Variants in CSMD1 observed in about 807,000 individuals in gnomAD.
CSMD1 encodes CUB and sushi domain-containing protein 1.
CSMD1 carries 213 observed loss-of-function variants against 417.5 expected under a neutral mutation model. The ratio of observed to expected loss-of-function variants is 0.51; its 90% CI spans 0.46 to 0.57. The LOEUF is 0.57. CSMD1 is among the 20% of genes least tolerant of loss of function. The probability of loss-of-function intolerance (pLI) is 0.00; values close to 1 mark genes in which losing one functional copy is unlikely to be tolerated. For missense variants in CSMD1, 6,923 were observed against 4,529.7 expected, an observed-to-expected ratio of 1.53 and a Z score of -15.17; for synonymous variants, 2,862 against 1,736.8, an observed-to-expected ratio of 1.65 and a Z score of -16.11.
intron 4 of CSMD1, among the ~76,000 whole-genome samples, chr8:4,019,763 G>A (rs766554590): frequency 6.6e-6 from 1 of 152,040 alleles, no homozygotes; most frequent in Non-Finnish European, 1.5e-5. Flanking sequence ...CAATATTTCT[G>A]TCCAAGTGGT....
Position 4,037,687 on chromosome 8 carries a change from G to C in CSMD1, c.416-5588C>G, listed in dbSNP as rs936132556. On this transcript the variant is annotated intron_variant, in intron 3 of 69. Coordinates refer to ENST00000635120, the MANE Select transcript of CSMD1 (RefSeq NM_033225.6). ...ATCAGTATTGATTTTAAAGGGGAAG[G>C]TGTGAAGATTGAATGAGATAACAGG... Among the ~76,000 whole-genome samples, 42 of 152,274 alleles carry C rather than the reference G, an allele frequency of 2.8e-4. 1 individual carries two copies. The highest frequency in any genetic ancestry group is 9.9e-4 in the African/African-American group (41 of 41,562).
chr8:3,415,501 G>T (rs778561702), intron 12 of CSMD1, among the ~76,000 whole-genome samples: 4 of 152,148 alleles, frequency 2.6e-5, no homozygotes, highest in Non-Finnish European at 5.9e-5. Flanking sequence ...GGGATTATAC[G>T]CATGCATCAT....
At chr8:4,249,840 T>C (rs1802946781) in intron 3 of CSMD1, among the ~76,000 whole-genome samples, 2 of 152,164 alleles carry the variant, frequency 1.3e-5, no homozygotes, top group Non-Finnish European at 2.9e-5. Context: ...GTGGTTTGAA[T>C]GTGTCCCCTG....
At chr8:3,786,289 G>A (rs754804352) in intron 5 of CSMD1, among the ~76,000 whole-genome samples, 3 of 152,118 alleles carry the variant, frequency 2.0e-5, no homozygotes, top group Non-Finnish European at 2.9e-5. Flanking sequence ...GAGGTTAGAA[G>A]AGACCTGAGG....
intron 2 of CSMD1, among the ~76,000 whole-genome samples, chr8:4,473,023 A>C (rs1800621676): frequency 6.6e-6 from 1 of 152,050 alleles, no homozygotes; most frequent in Admixed American, 6.6e-5. Context: ...TAAATTCCTC[A>C]AACAAGTCAA....
intron 3 of CSMD1, among the ~76,000 whole-genome samples, chr8:4,093,889 G>C (rs1056023676): frequency 5.3e-5 from 8 of 152,040 alleles, no homozygotes; most frequent in Non-Finnish European, 1.2e-4. Flanking sequence ...GAACGCAGGA[G>C]GCAGAGGTTT....
chr8:4,610,246 A>G (rs998885885), intron 2 of CSMD1, among the ~76,000 whole-genome samples: 4 of 152,190 alleles, frequency 2.6e-5, no homozygotes, highest in Non-Finnish European at 5.9e-5. Context: ...AATCCTTCAT[A>G]GAGATCAAGT....
chr8:4,373,319 A>G (rs763918745), intron 3 of CSMD1, among the ~76,000 whole-genome samples: 2 of 149,330 alleles, frequency 1.3e-5, no homozygotes, highest in Non-Finnish European at 3.0e-5. Flanking sequence ...ATAACCAAAG[A>G]AAGTATGCGA....
At chr8:4,066,627 C>A (rs549448133) in intron 3 of CSMD1, among the ~76,000 whole-genome samples, 1 of 152,254 alleles carries the variant, frequency 6.6e-6, no homozygotes, top group Non-Finnish European at 1.5e-5. Context: ...CATTACTAAC[C>A]ACTAACAGCT....
At chr8:4,054,085 T>G (rs1798570474) in intron 3 of CSMD1, among the ~76,000 whole-genome samples, 1 of 152,122 alleles carries the variant, frequency 6.6e-6, no homozygotes, top group Admixed American at 6.6e-5. Flanking sequence ...TCTGTCGCAG[T>G]TCACTACACC....
At chr8:3,803,063 G>A (rs559894226) in intron 5 of CSMD1, among the ~76,000 whole-genome samples, 1 of 152,256 alleles carries the variant, frequency 6.6e-6, no homozygotes, top group African/African-American at 2.4e-5. Context: ...ATAAAGTGGT[G>A]GCAACAGCCT....
chr8:3,168,817 T>C (rs1820400096), intron 37 of CSMD1, among the ~76,000 whole-genome samples: 1 of 102,786 alleles, frequency 9.7e-6, no homozygotes, highest in African/African-American at 3.7e-5. Context: ...ATGCTATTTC[T>C]ATTATTTCCA....
intron 1 of CSMD1, among the ~76,000 whole-genome samples, chr8:4,913,874 G>C (rs1016181852): frequency 6.6e-6 from 1 of 152,124 alleles, no homozygotes; most frequent in African/African-American, 2.4e-5. Context: ...ATTATTGTTT[G>C]GATGGAACCC....
At chr8:4,464,323 A>T (rs570581506) in intron 2 of CSMD1, among the ~76,000 whole-genome samples, 1 of 152,308 alleles carries the variant, frequency 6.6e-6, no homozygotes, top group East Asian at 1.9e-4. Context: ...TTCAACTTAC[A>T]GTGCGGTTAT....
At chr8:3,879,516 A>G (rs895681526) in intron 5 of CSMD1, among the ~76,000 whole-genome samples, 3 of 152,198 alleles carry the variant, frequency 2.0e-5, no homozygotes, top group Non-Finnish European at 4.4e-5. Flanking sequence ...GAGAGCAAGG[A>G]AGATGTAGCT....
chr8:3,991,416 T>C (rs190891327), intron 5 of CSMD1, among the ~76,000 whole-genome samples: 17 of 152,302 alleles, frequency 1.1e-4, no homozygotes, highest in African/African-American at 3.6e-4. Context: ...CACATCTTTA[T>C]GCGACAGCTT....
intron 7 of CSMD1, among the ~76,000 whole-genome samples, chr8:3,671,756 C>T (rs1799080665): frequency 6.6e-6 from 1 of 151,704 alleles, no homozygotes; most frequent in African/African-American, 2.4e-5. Flanking sequence ...ACAAAACAGG[C>T]CCCTTGCTCA....
At chr8:3,720,667 C>T (rs991170533) in intron 6 of CSMD1, among the ~76,000 whole-genome samples, 1 of 133,556 alleles carries the variant, frequency 7.5e-6, no homozygotes, top group African/African-American at 3.1e-5. Flanking sequence ...CAGCACATTT[C>T]TCCTTCATGA....
intron 10 of CSMD1, among the ~76,000 whole-genome samples, chr8:3,562,496 A>C (rs978562788): frequency 6.6e-6 from 1 of 152,188 alleles, no homozygotes; most frequent in Non-Finnish European, 1.5e-5. Flanking sequence ...TTGAACACAG[A>C]TGAGTGCCAC....
Sources: allele counts gnomAD v4.1 joint callset (sites outside exome capture counted in the v4.1 genomes callset), GRCh38; gene constraint gnomAD v4.1.1; transcripts MANE v1.5; gene names NCBI Gene and HGNC (gene_info 2026-07-23, HGNC 2026-07-21).